BPIFC: variants seen among roughly 807,000 people sequenced by gnomAD.
BPIFC encodes BPI fold-containing family C protein.
Under a neutral mutation model 57.6 loss-of-function variants are expected in BPIFC, and 60 were observed. That is an observed-to-expected ratio of 1.04 (90% confidence interval 0.85 to 1.29). BPIFC has a LOEUF of 1.29. Among genes scored for constraint, BPIFC ranks in the 50% most tolerant of loss-of-function variants. The pLI, the probability that BPIFC is intolerant of heterozygous loss-of-function variation, is 0.00. For missense variants in BPIFC, 581 were observed against 600.5 expected (o/e 0.97, Z 0.34); for synonymous variants, 243 against 224.5 (o/e 1.08, Z -0.74).
At chr22:32,454,940 G>A (rs1261074606) in intron 3 of BPIFC, among the ~76,000 whole-genome samples, 1 of 151,954 alleles carries the variant, frequency 6.6e-6, no homozygotes, top group Non-Finnish European at 1.5e-5. Context: ...GATACTTGTT[G>A]GGCCATATTT....
intron 13 of BPIFC, 92 bp from the exon 14 acceptor site, chr22:32,419,496 GTCACTA>G: frequency 7.9e-7 from 1 of 1,272,452 alleles, no homozygotes; most frequent in Non-Finnish European, 1.1e-6. Flanking sequence ...CAGTTCAAAA[GTCACTA>G]TTTAAAAAAA....
chr22:32,447,082 T>G (rs1934750227), intron 5 of BPIFC, 130 bp downstream of exon 5: 1 of 1,290,248 alleles, frequency 7.8e-7, no homozygotes, highest in Non-Finnish European at 1.0e-6. Context: ...TGGAAAAAAA[T>G]GCTTTTGAGA....
chr22:32,426,720 CG>C (rs1934077843), intron 13 of BPIFC, among the ~76,000 whole-genome samples: 1 of 151,750 alleles, frequency 6.6e-6, no homozygotes, highest in African/African-American at 2.4e-5. Context: ...GGCGAAACCC[CG>C]TCTCTACTAA....
intron 8 of BPIFC, among the ~76,000 whole-genome samples, chr22:32,440,503 T>G (rs1008488580): frequency 1.3e-5 from 2 of 152,102 alleles, no homozygotes; most frequent in Admixed American, 1.3e-4. Flanking sequence ...TGAGTCAAAG[T>G]TCCTGCACCC....
At chr22:32,430,141 G>C (rs1179340511) in intron 13 of BPIFC, among the ~76,000 whole-genome samples, 3 of 152,198 alleles carry the variant, frequency 2.0e-5, no homozygotes, top group Admixed American at 6.5e-5. Context: ...GCATTTGACA[G>C]TCAGACAGGC....
Position 32,424,702 on chromosome 22 carries a change from TTCC to T in BPIFC, c.1218-5301_1218-5299del, listed in dbSNP as rs1229305382. On this transcript the variant is annotated intron_variant, in intron 13 of 16. Transcript: ENST00000300399. ...CTTCTTCTTCTTCTTCCTCTTCTTC[TTCC>T]TCTTCTTCTTCCTCTTCTTCTTCCT... Among the ~76,000 whole-genome samples, 191 of 94,304 alleles carry T rather than the reference TTCC, an allele frequency of 2.0e-3. 7 individuals are homozygous for T. Among genetic ancestry groups the T allele is most frequent in the Middle Eastern group, 4.5e-3 (1 of 220 alleles). The allele number at this position is 94,304 out of a possible 152,430, so 61.9% of individuals were successfully genotyped here.
intron 13 of BPIFC, among the ~76,000 whole-genome samples, chr22:32,428,439 TGG>T (rs1934135437): frequency 6.6e-6 from 1 of 151,764 alleles, no homozygotes; most frequent in Non-Finnish European, 1.5e-5. Context: ...CGGCCTCTCA[TGG>T]GCTTTTAAAG....
chr22:32,413,907 T>C lies in BPIFC; in HGVS notation c.*396A>G, dbSNP rs1039447940. On this transcript the variant is annotated 3_prime_UTR_variant, in exon 17 of 17. Transcript: ENST00000300399. Reference sequence around the variant, plus strand: ...AGATAGTAACAGTGAATATAAAACATGAAAACCAATATGCAGGTAGGGGAA... The same window carrying C: ...AGATAGTAACAGTGAATATAAAACACGAAAACCAATATGCAGGTAGGGGAA... The C allele has an allele frequency of 1.3e-5, 2 of 153,418 alleles. No individual in the cohort carries two copies. Among genetic ancestry groups the C allele is most frequent in the African/African-American group, 4.8e-5 (2 of 41,484 alleles). 9.5% of individuals were successfully genotyped at this position (153,418 alleles called of 1,614,324 possible).
chr22:32,451,727 A>T (rs1934900998), intron 4 of BPIFC, among the ~76,000 whole-genome samples: 1 of 152,108 alleles, frequency 6.6e-6, no homozygotes, highest in Admixed American at 6.5e-5. Context: ...TTTTAAAAAA[A>T]GAAAATACCT....
At chr22:32,417,818 C>T (rs192016501) in intron 14 of BPIFC, among the ~76,000 whole-genome samples, 10 of 152,188 alleles carry the variant, frequency 6.6e-5, no homozygotes, top group East Asian at 3.9e-4. Flanking sequence ...TGTTACATCA[C>T]GCTCCAAAGC....
chr22:32,439,098 G>A (rs1313810965), intron 8 of BPIFC, among the ~76,000 whole-genome samples: 1 of 152,106 alleles, frequency 6.6e-6, no homozygotes, highest in Non-Finnish European at 1.5e-5. Context: ...GGCTGAGGTG[G>A]GCGGATCACC....
At chr22:32,419,071 GGC>G (rs1232925025) in intron 14 of BPIFC, among the ~76,000 whole-genome samples, 1 of 151,950 alleles carries the variant, frequency 6.6e-6, no homozygotes, top group Non-Finnish European at 1.5e-5. Flanking sequence ...TGAGAAAACA[GGC>G]ATTCCCTGAG....
rs1933976356 is a variant in BPIFC at position 32,424,669 on chromosome 22, T to TCCTCCTCCTCCTCCTCCTCCTCC, written c.1218-5266_1218-5265insGGAGGAGGAGGAGGAGGAGGAGG. ...CTTCTTCTTCTTCTTCTTCTTCTTC[T>TCCTCCTCCTCCTCCTCCTCCTCC]TCTTCTTCTTCTTCTTCTTCTTCCT... On this transcript the variant is annotated intron_variant, in intron 13 of 16. Coordinates refer to ENST00000300399, the MANE Select transcript of BPIFC (RefSeq NM_174932.3). 3.2e-5 allele frequency among the ~76,000 whole-genome samples: 2 copies of TCCTCCTCCTCCTCCTCCTCCTCC among 63,328 alleles called. 1 individual carries two copies. Among genetic ancestry groups the TCCTCCTCCTCCTCCTCCTCCTCC allele is most frequent in the Non-Finnish European group, 5.5e-5 (2 of 36,252 alleles). 41.5% of individuals were successfully genotyped at this position (63,328 alleles called of 152,430 possible).
chr22:32,455,050 C>CTTTTTT lies in BPIFC; in HGVS notation c.125-1548_125-1547insAAAAAA, dbSNP rs1392514246. ...GTACTATAATTTTCATTTTCATCTCCATTTTTTTTTTTTTTTTTTGAGACA... is the reference window on the plus strand; with the variant it reads ...GTACTATAATTTTCATTTTCATCTCCTTTTTTATTTTTTTTTTTTTTTTTTGAGACA... On this transcript the variant is annotated intron_variant, in intron 3 of 16. Coordinates refer to ENST00000300399, the MANE Select transcript of BPIFC (RefSeq NM_174932.3). Among the ~76,000 whole-genome samples, 39 of 134,158 alleles carry CTTTTTT rather than the reference C, an allele frequency of 2.9e-4. 3 individuals carry two copies. The highest frequency in any genetic ancestry group is 4.6e-4 in the South Asian group (2 of 4,362). The allele number at this position is 134,158 out of a possible 152,430, so 88.0% of individuals were successfully genotyped here. A position where few individuals can be genotyped will look rare whatever the true frequency, so the allele number is the denominator to read the frequency against.
At chr22:32,458,874 C>G (rs559748268) in intron 2 of BPIFC, among the ~76,000 whole-genome samples, 1 of 152,342 alleles carries the variant, frequency 6.6e-6, no homozygotes, top group East Asian at 1.9e-4. Context: ...AATAAACATT[C>G]TCTGCAAAGA....
At chr22:32,452,349 G>T (rs1176247281) in intron 4 of BPIFC, among the ~76,000 whole-genome samples, 1 of 151,926 alleles carries the variant, frequency 6.6e-6, no homozygotes, top group Admixed American at 6.6e-5. Flanking sequence ...AAACATCTTG[G>T]TTTTGGGCTG....
At position 32,431,125 on chromosome 22, in the gene BPIFC, T is replaced by C. The variant is rs5998489; in HGVS notation, c.1217+222A>G. On this transcript the variant is annotated intron_variant, in intron 13 of 16. Coordinates refer to ENST00000300399, the MANE Select transcript of BPIFC (RefSeq NM_174932.3). The stretch of plus-strand genomic sequence containing the variant: ...ACACAATGGTTAACGTCCCTTTTTT[T>C]TTTTTTTTGAGACAGAGTCTCACTG... 8.6e-5 allele frequency among the ~76,000 whole-genome samples: 13 copies of C among 151,844 alleles called. 1 individual carries two copies. Among genetic ancestry groups the C allele is most frequent in the African/African-American group, 3.1e-4 (13 of 41,456 alleles).
chr22:32,447,193 A>G lies in BPIFC; in HGVS notation c.374+19T>C. The G allele has an allele frequency of 6.4e-7, 1 of 1,559,072 alleles. No individual in the cohort carries two copies. ...ACATTCTCCCAGAACAGCTGCAGAC[A>G]TTTCAGTGGAATACTCACAAAAGTG... is the stretch of plus-strand genomic sequence containing the variant. On this transcript the variant is annotated intron_variant, in intron 5 of 16. Transcript: ENST00000300399.
At position 32,435,201 on chromosome 22, in the gene BPIFC, T is replaced by C. The variant is rs556483267; in HGVS notation, c.924+503A>G. Among the ~76,000 whole-genome samples the C allele has an allele frequency of 9.6e-4, 146 of 152,270 alleles. 2 individuals carry two copies. Among genetic ancestry groups the C allele is most frequent in the African/African-American group, 3.0e-3 (123 of 41,556 alleles). ...TACCTCTAAGGTCACAGGCAATACA[T>C]GATGGAAAGGGATCTTGCTATTATT... On this transcript the variant is annotated intron_variant, in intron 10 of 16. Transcript: ENST00000300399.
Sources: gnomAD v4.1 joint callset for allele counts (sites outside exome capture counted in the v4.1 genomes callset) on GRCh38, gnomAD v4.1.1 for gene constraint, MANE v1.5 for transcripts, NCBI Gene and HGNC (gene_info 2026-07-23, HGNC 2026-07-21) for gene names.